The following KLF5 variants were observed in gnomAD, a reference collection of about 807,000 sequenced individuals.
The protein encoded by KLF5 is Krueppel-like factor 5.
In KLF5, 9 loss-of-function variants were observed where a neutral mutation model predicts 36.9. That is an observed-to-expected ratio of 0.24 (90% confidence interval 0.15 to 0.43). KLF5 has a LOEUF of 0.43. Among genes scored for constraint, KLF5 ranks in the 20% least tolerant of loss-of-function variants. The pLI is 1.00. For missense variants in KLF5, 524 were observed against 599.5 expected, an observed-to-expected ratio of 0.87 and a Z score of 1.31; for synonymous variants, 246 against 241.7, an observed-to-expected ratio of 1.02 and a Z score of -0.17.
In KLF5 at chr13:73,062,342, C is replaced by T. The variant is rs766474046; in HGVS notation, c.743C>T (p.Ala248Val). 6.2e-6 allele frequency: 10 copies of T among 1,614,216 alleles called. No homozygotes were observed. The highest frequency in any genetic ancestry group is 8.5e-6 in the Non-Finnish European group (10 of 1,180,040). ...CCCAGTTCTACAAATCAGACAGCAG[C>T]AATGGACACTCTTAATGTTTCTATG... ...DMPSSTNQTAAMDTLNVSMSA... is the reference protein window; with the variant it reads ...DMPSSTNQTAVMDTLNVSMSA... Residue 248 changes from alanine (A) to valine (V), a missense_variant, in exon 2 of 4, where the codon GCA becomes GTA. By Grantham distance (64) the Ala-to-Val change is moderately conservative. Around this residue, in one of 4 missense-constraint regions of KLF5, gnomAD observed 454 missense variants for 458.1 expected, o/e 0.99. Coordinates refer to ENST00000377687, the MANE Select transcript of KLF5 (RefSeq NM_001730.5).
chr13:73,057,014 A>G (rs991253284), upstream of KLF5, among the ~76,000 whole-genome samples: 4 of 152,170 alleles, frequency 2.6e-5, no homozygotes, highest in Admixed American at 1.3e-4. Flanking sequence ...CATTTCCAGT[A>G]AAATACATGG....
At chr13:73,057,695 G>A, upstream of KLF5, among the ~76,000 whole-genome samples, 1 of 152,044 alleles carries the variant, frequency 6.6e-6, no homozygotes, top group South Asian at 2.1e-4. Flanking sequence ...TTTTAAAGCT[G>A]TTTTACTCTG....
At chr13:73,056,007 G>A (rs933819063), upstream of KLF5, among the ~76,000 whole-genome samples, 7 of 152,066 alleles carry the variant, frequency 4.6e-5, no homozygotes, top group African/African-American at 1.7e-4. Flanking sequence ...TGTGAACATT[G>A]CCCTAGTGAT....
At chr13:73,066,321 G>GTTT (rs34566215) in intron 3 of KLF5, among the ~76,000 whole-genome samples, 5 of 146,642 alleles carry the variant, frequency 3.4e-5, no homozygotes, top group African/African-American at 1.2e-4. Flanking sequence ...CAGCAAAGGT[G>GTTT]TTTTTTTTTT....
Position 73,062,160 on chromosome 13 carries a change from T to C in KLF5, c.561T>C (p.Pro187=). The C allele has an allele frequency of 1.2e-6, 2 of 1,614,116 alleles. No homozygotes were observed. Among genetic ancestry groups the C allele is most frequent in the Non-Finnish European group, 1.7e-6 (2 of 1,180,004 alleles). The change falls in exon 2 of 4, where the codon CCT becomes CCC. Residue 187 remains proline (P), a synonymous_variant. Transcript: ENST00000377687. ...APPPAPTQAL[P]EFTSIFSSHQ... is the part of the protein sequence containing the mutation. ...CTCCGGCCCCGACCCAGGCCCTCCC[T>C]GAGTTCACCAGTATATTCAGCTCAC... is the stretch of plus-strand genomic sequence containing the variant.
Position 73,059,513 on chromosome 13 carries a change from C to T in KLF5, c.186C>T (p.Pro62=). The part of the protein sequence containing the change: ...KHAHHRPQAQ[P]APAQAPQPAQ... ...CGCACCACCGCCCGCAGGCGCAGCC[C>T]GCGCCCGCGCAGGCCCCGCAGCCGG... Residue 62 remains proline (P), a synonymous_variant, in exon 1 of 4, where the codon CCC becomes CCT. Coordinates refer to ENST00000377687, the MANE Select transcript of KLF5 (RefSeq NM_001730.5). The T allele has an allele frequency of 1.6e-5, 19 of 1,208,696 alleles. No individual in the cohort carries two copies. The highest frequency in any genetic ancestry group is 3.5e-5 in the East Asian group (1 of 28,232). The allele number at this position is 1,208,696 out of a possible 1,614,324, so 74.9% of individuals were successfully genotyped here.
intron 2 of KLF5, 48 bp from the exon 3 acceptor site, chr13:73,063,776 G>T: frequency 7.8e-7 from 1 of 1,287,822 alleles, no homozygotes. Flanking sequence ...CAAATGTAAA[G>T]ATTTCAAAAG....
At chr13:73,063,463 C>A (rs1278102440) in intron 2 of KLF5, among the ~76,000 whole-genome samples, 1 of 152,044 alleles carries the variant, frequency 6.6e-6, no homozygotes. Flanking sequence ...AAATTACAGT[C>A]ATCTTGGATA....
In KLF5 at chr13:73,075,970, C is replaced by CAAAA. The variant is rs148760123; in HGVS notation, c.*87_*88insAAAA. 16 of 1,063,590 alleles carry CAAAA rather than the reference C, an allele frequency of 1.5e-5. No homozygotes were observed. The highest frequency in any genetic ancestry group is 1.0e-4 in the Admixed American group (3 of 29,952). 65.9% of individuals were successfully genotyped at this position (1,063,590 alleles called of 1,614,324 possible). A position where few individuals can be genotyped will look rare whatever the true frequency, so the allele number is the denominator to read the frequency against. On this transcript the variant is annotated 3_prime_UTR_variant, in exon 4 of 4. Transcript: ENST00000377687. ...TATTCCTGTGTAAAAACAACAAAAA[C>CAAAA]AAACAAAAGCAAGAAAACCACAACT...
intron 3 of KLF5, among the ~76,000 whole-genome samples, chr13:73,065,585 A>T (rs2044672979): frequency 6.6e-6 from 1 of 152,254 alleles, no homozygotes; most frequent in South Asian, 2.1e-4. Context: ...CAAATGAATT[A>T]AGCATGTTAT....
At chr13:73,067,517 C>T (rs921421330) in intron 3 of KLF5, among the ~76,000 whole-genome samples, 2 of 152,194 alleles carry the variant, frequency 1.3e-5, no homozygotes, top group African/African-American at 4.8e-5. Context: ...CGTGGATATA[C>T]ACTTAACCTT....
chr13:73,061,174 T>G (rs1169358380), intron 1 of KLF5, among the ~76,000 whole-genome samples: 1 of 152,154 alleles, frequency 6.6e-6, no homozygotes, highest in Non-Finnish European at 1.5e-5. Context: ...CATTTCATTA[T>G]CATATTAACC....
intron 2 of KLF5, among the ~76,000 whole-genome samples, chr13:73,063,620 A>AT (rs1428902608): frequency 6.6e-6 from 1 of 152,234 alleles, no homozygotes; most frequent in African/African-American, 2.4e-5. Context: ...CTTTCCTGTT[A>AT]AAGTGATACA....
At chr13:73,059,710 G>A in intron 1 of KLF5, 122 bp downstream of exon 1, 1 of 955,870 alleles carries the variant, frequency 1.0e-6, no homozygotes, top group African/African-American at 1.8e-5. Context: ...CACCGGAGCC[G>A]GTGCTGGGTG....
At chr13:73,055,169 C>T (rs571386534), upstream of KLF5, 6 of 152,136 alleles carry the variant, frequency 3.9e-5, no homozygotes, top group African/African-American at 1.4e-4. Flanking sequence ...GTAAAACTCT[C>T]CTGTTTTTTT....
At chr13:73,061,061 CA>C (rs2044631532) in intron 1 of KLF5, among the ~76,000 whole-genome samples, 1 of 151,992 alleles carries the variant, frequency 6.6e-6, no homozygotes, top group Admixed American at 6.6e-5. Context: ...GCTAGGGATA[CA>C]GCAGCCTCCC....
upstream of KLF5, among the ~76,000 whole-genome samples, chr13:73,057,979 C>T (rs2044594718): frequency 3.9e-5 from 6 of 152,262 alleles, no homozygotes; most frequent in South Asian, 1.0e-3. Context: ...TTTGGATTCC[C>T]AGTTTTCAGA....
chr13:73,072,637 G>A (rs2044730232), intron 3 of KLF5, among the ~76,000 whole-genome samples: 1 of 152,190 alleles, frequency 6.6e-6, no homozygotes, highest in Non-Finnish European at 1.5e-5. Flanking sequence ...TTAATGTGGA[G>A]CTCATCGTTT....
chr13:73,064,593 T>G (rs2139107902), intron 3 of KLF5, among the ~76,000 whole-genome samples: 2 of 152,270 alleles, frequency 1.3e-5, no homozygotes, highest in South Asian at 2.1e-4. Flanking sequence ...TGCCAGGCTG[T>G]AGTGCAGTGG....
Sources: gnomAD v4.1 joint callset for allele counts (sites outside exome capture counted in the v4.1 genomes callset) on GRCh38, gnomAD v4.1.1 for gene constraint, gnomAD v4.1.1 regional missense constraint, MANE v1.5 for transcripts, NCBI Gene and HGNC (gene_info 2026-07-23, HGNC 2026-07-21) for gene names.